Variants in ENOX1 observed in about 807,000 individuals in gnomAD.
ENOX1 encodes ecto-NOX disulfide-thiol exchanger 1, also known as candidate growth-related and time keeping constitutive hydroquinone (NADH) oxidase.
In ENOX1, 42 loss-of-function variants were observed where a neutral mutation model predicts 82.5. That is an observed-to-expected ratio of 0.51 (90% CI 0.40 to 0.66). ENOX1 has a LOEUF of 0.66. Among genes scored for constraint, ENOX1 ranks in the 30% least tolerant of loss-of-function variants. The pLI, the probability that ENOX1 is intolerant of heterozygous loss-of-function variation, is 0.00. For missense variants in ENOX1, 608 were observed against 811.6 expected, an observed-to-expected ratio of 0.75 and a Z score of 3.05; for synonymous variants, 271 against 282.2, an observed-to-expected ratio of 0.96 and a Z score of 0.40.
intron 1 of ENOX1, among the ~76,000 whole-genome samples, chr13:43,771,789 G>C (rs900629575): frequency 2.0e-5 from 3 of 151,494 alleles, no homozygotes; most frequent in Non-Finnish European, 2.9e-5. Context: ...CTTTGAGATG[G>C]AGTCTCGCTC....
At chr13:43,268,034 C>G (rs1384151975) in intron 13 of ENOX1, among the ~76,000 whole-genome samples, 10 of 152,022 alleles carry the variant, frequency 6.6e-5, no homozygotes, top group Admixed American at 6.6e-4. Context: ...CATGCCACAA[C>G]AAGATATATC....
intron 5 of ENOX1, among the ~76,000 whole-genome samples, chr13:43,385,048 G>T (rs1487759672): frequency 6.6e-6 from 1 of 152,202 alleles, no homozygotes; most frequent in African/African-American, 2.4e-5. Flanking sequence ...GAACTGGAAG[G>T]ACTGTGGCAC....
intron 5 of ENOX1, among the ~76,000 whole-genome samples, chr13:43,384,648 G>T (rs921893181): frequency 2.0e-5 from 3 of 152,174 alleles, no homozygotes; most frequent in African/African-American, 4.8e-5. Flanking sequence ...CAACCCAAAA[G>T]GTAGTGGTGT....
Position 43,614,984 on chromosome 13 carries a change from C to G in ENOX1, c.-219+52495G>C, listed in dbSNP as rs908743761. On this transcript the variant is annotated intron_variant, in intron 2 of 16. Transcript: ENST00000690772. ...TGAATGTACATTAAAGTTTGAGGAG[C>G]CTTGGTATAAAATTTGAATATATTT... is the stretch of plus-strand genomic sequence containing the variant. 2.0e-5 allele frequency among the ~76,000 whole-genome samples: 3 copies of G among 151,918 alleles called. No individual in the cohort carries two copies. In the South Asian group the frequency reaches 6.2e-4, roughly 32 times the overall value.
rs758200202 is a variant in ENOX1, at chr13:43,713,342, A to G, written c.-284-45798T>C. ...GTATTTTATTGAGGATTTTTGCATC[A>G]ATGTTCATCAAGGATATTCGTCTAA... On this transcript the variant is annotated intron_variant, in intron 1 of 16. Coordinates refer to ENST00000690772, the MANE Select transcript of ENOX1 (RefSeq NM_001347969.2). Among the ~76,000 whole-genome samples the G allele has an allele frequency of 1.2e-3, 185 of 152,258 alleles. 2 individuals carry two copies. The highest frequency in any genetic ancestry group is 1.6e-3 in the Non-Finnish European group (109 of 68,014).
intron 1 of ENOX1, among the ~76,000 whole-genome samples, chr13:43,669,761 G>T (rs1366105167): frequency 6.6e-6 from 1 of 152,124 alleles, no homozygotes; most frequent in Non-Finnish European, 1.5e-5. Context: ...CTGTTCCGTT[G>T]TAATTCTTGG....
At chr13:43,531,965 C>T (rs917578824) in intron 2 of ENOX1, among the ~76,000 whole-genome samples, 28 of 151,332 alleles carry the variant, frequency 1.9e-4, no homozygotes, top group Non-Finnish European at 3.8e-4. Context: ...AGGAGATATA[C>T]CTAATGCTAA....
chr13:43,752,610 T>C (rs948784163), intron 1 of ENOX1, among the ~76,000 whole-genome samples: 9 of 152,098 alleles, frequency 5.9e-5, no homozygotes, highest in Non-Finnish European at 1.2e-4. Context: ...GTTTTGACAC[T>C]ATTTGTTGAA....
At chr13:43,229,020 C>T (rs2042152935) in intron 15 of ENOX1, among the ~76,000 whole-genome samples, 1 of 152,102 alleles carries the variant, frequency 6.6e-6, no homozygotes, top group South Asian at 2.1e-4. Context: ...GGGAGGGACC[C>T]AGTGGGAGAT....
intron 10 of ENOX1, among the ~76,000 whole-genome samples, chr13:43,326,067 A>T (rs963416711): frequency 6.9e-6 from 1 of 145,610 alleles, no homozygotes; most frequent in South Asian, 2.2e-4. Context: ...GTAGAACACT[A>T]AAAAAAAAAA....
chr13:43,622,740 C>A, intron 2 of ENOX1, among the ~76,000 whole-genome samples: 1 of 152,146 alleles, frequency 6.6e-6, no homozygotes, highest in South Asian at 2.1e-4. Flanking sequence ...TAGCCTCCTG[C>A]CAGGAGGTAG....
intron 2 of ENOX1, among the ~76,000 whole-genome samples, chr13:43,484,928 G>C (rs2076362527): frequency 6.6e-6 from 1 of 152,100 alleles, no homozygotes; most frequent in Non-Finnish European, 1.5e-5. Context: ...TTTGTGTTTG[G>C]TGTGGGATTA....
At chr13:43,530,835 G>GA (rs1316614289) in intron 2 of ENOX1, among the ~76,000 whole-genome samples, 2 of 151,758 alleles carry the variant, frequency 1.3e-5, no homozygotes, top group Non-Finnish European at 2.9e-5. Flanking sequence ...ACCCTTTTAA[G>GA]AAAAAAATTA....
At chr13:43,708,260 A>C (rs780189234) in intron 1 of ENOX1, among the ~76,000 whole-genome samples, 1 of 152,168 alleles carries the variant, frequency 6.6e-6, no homozygotes, top group Non-Finnish European at 1.5e-5. Context: ...TTGGGCATGC[A>C]GCCCCTCCCA....
chr13:43,692,141 G>T (rs1451398031), intron 1 of ENOX1, among the ~76,000 whole-genome samples: 1 of 152,184 alleles, frequency 6.6e-6, no homozygotes, highest in Non-Finnish European at 1.5e-5. Flanking sequence ...GGAGGAAAGA[G>T]AACTTGACCT....
intron 12 of ENOX1, among the ~76,000 whole-genome samples, chr13:43,287,551 G>A (rs2045768159): frequency 6.6e-6 from 1 of 152,184 alleles, no homozygotes; most frequent in Non-Finnish European, 1.5e-5. Context: ...CAGTGAAGCT[G>A]AAGTCACATT....
At chr13:43,658,810 G>A (rs896920031) in intron 2 of ENOX1, among the ~76,000 whole-genome samples, 5 of 152,046 alleles carry the variant, frequency 3.3e-5, no homozygotes, top group Admixed American at 3.3e-4. Context: ...CCTATCTCTG[G>A]GATACCAGGT....
At chr13:43,765,718 C>A (rs1205529342) in intron 1 of ENOX1, among the ~76,000 whole-genome samples, 1 of 152,160 alleles carries the variant, frequency 6.6e-6, no homozygotes, top group Admixed American at 6.5e-5. Flanking sequence ...GACAAACTGA[C>A]TTCACCAACT....
intron 11 of ENOX1, among the ~76,000 whole-genome samples, chr13:43,298,767 A>C (rs1364471475): frequency 6.6e-6 from 1 of 152,186 alleles, no homozygotes; most frequent in African/African-American, 2.4e-5. Context: ...TGGGCACAGG[A>C]TTAATTCCTC....
Sources: gnomAD v4.1 joint callset for allele counts (sites outside exome capture counted in the v4.1 genomes callset) on GRCh38, gnomAD v4.1.1 for gene constraint, MANE v1.5 for transcripts, NCBI Gene and HGNC (gene_info 2026-07-23, HGNC 2026-07-21) for gene names.